MTUS2: variants seen among roughly 807,000 people sequenced by gnomAD.
MTUS2 encodes the protein microtubule-associated tumor suppressor candidate 2.
In MTUS2, 40 loss-of-function variants were observed where a neutral mutation model predicts 114.1. The observed-to-expected ratio is 0.35, with a 90% CI of 0.27 to 0.46. The LOEUF is 0.46. Among genes scored for constraint, MTUS2 ranks in the 20% least tolerant of loss-of-function variants. MTUS2 has a pLI of 1.00. For missense variants in MTUS2, 1,679 were observed against 1,705.4 expected, an observed-to-expected ratio of 0.98 and a Z score of 0.27; for synonymous variants, 688 against 672.0, an observed-to-expected ratio of 1.02 and a Z score of -0.37.
intron 7 of MTUS2, among the ~76,000 whole-genome samples, chr13:29,348,548 G>A (rs1430154775): frequency 1.3e-5 from 2 of 152,144 alleles, no homozygotes; most frequent in Admixed American, 6.6e-5. Context: ...TTGTTATGTG[G>A]AATGTTCTAC....
chr13:28,878,321 A>G (rs1374793589), intron 2 of MTUS2, among the ~76,000 whole-genome samples: 1 of 151,822 alleles, frequency 6.6e-6, no homozygotes, highest in African/African-American at 2.4e-5. Flanking sequence ...ACACATATAC[A>G]TTTTTTGTTT....
intron 6 of MTUS2, among the ~76,000 whole-genome samples, chr13:29,290,311 AG>A (rs1161093125): frequency 6.6e-6 from 1 of 151,668 alleles, no homozygotes; most frequent in Non-Finnish European, 1.5e-5. Context: ...TGTCTCTGCT[AG>A]GAACATCTGT....
rs541989513 is a variant in MTUS2 at position 29,166,446 on chromosome 13, T to G, written c.2644+65476T>G. On this transcript the variant is annotated intron_variant, in intron 5 of 15. Coordinates refer to ENST00000612955, the MANE Select transcript of MTUS2 (RefSeq NM_001033602.4). ...CTTGTTCCAGCAGCTCTAGACAGAA[T>G]GAGCCATGAGGCTTCTTGCTTCTGT... 3.9e-5 allele frequency among the ~76,000 whole-genome samples: 6 copies of G among 152,338 alleles called. No homozygotes were observed. In the South Asian group the frequency reaches 1.2e-3, roughly 32 times the overall value.
At chr13:29,221,251 GA>G (rs1895896613) in intron 5 of MTUS2, among the ~76,000 whole-genome samples, 1 of 152,226 alleles carries the variant, frequency 6.6e-6, no homozygotes, top group African/African-American at 2.4e-5. Flanking sequence ...TCTCTGAGTA[GA>G]ATTCCTGGGT....
At chr13:29,085,893 C>T (rs1273576104) in intron 4 of MTUS2, among the ~76,000 whole-genome samples, 1 of 152,162 alleles carries the variant, frequency 6.6e-6, no homozygotes, top group Non-Finnish European at 1.5e-5. Context: ...AATTTACATT[C>T]CCACCTGCAG....
At position 29,273,128 on chromosome 13, in the gene MTUS2, TG is replaced by T. The variant is rs1192855196; in HGVS notation, c.2645-8574del. The stretch of plus-strand genomic sequence containing the variant: ...TATCACATTGGCAACATCTGAATGT[TG>T]GAGGAGACACATTCAAACCATAACA... On this transcript the variant is annotated intron_variant, in intron 5 of 15. Transcript: ENST00000612955. 2.0e-5 allele frequency among the ~76,000 whole-genome samples: 3 copies of T among 152,266 alleles called. No homozygotes were observed. In the East Asian group the frequency reaches 5.8e-4, roughly 29 times the overall value.
rs555080091 is a variant in MTUS2, at chr13:29,094,662, T to C, written c.2447-6111T>C. Among the ~76,000 whole-genome samples, 4 of 152,182 alleles carry C rather than the reference T, an allele frequency of 2.6e-5. No homozygotes were observed. The Middle Eastern group carries it at 0.01, about 388-fold the overall frequency. On this transcript the variant is annotated intron_variant, in intron 4 of 15. Transcript: ENST00000612955. ...TTTTCATTGGCTTTCTCTCCTGTTT[T>C]TCTATTCTCTGTTTTATTTATTTTC...
intron 2 of MTUS2, among the ~76,000 whole-genome samples, chr13:28,988,560 CAAAT>C (rs1300555456): frequency 4.6e-5 from 7 of 152,054 alleles, no homozygotes; most frequent in South Asian, 2.1e-4. Flanking sequence ...TGTGAGCAAA[CAAAT>C]CAGGAAAAAC....
chr13:29,009,016 GTTTC>G (rs1333282613), intron 2 of MTUS2, among the ~76,000 whole-genome samples: 2 of 150,376 alleles, frequency 1.3e-5, no homozygotes, highest in Non-Finnish European at 3.0e-5. Context: ...TTCTCTCTTA[GTTTC>G]TTTTTTTTGG....
intron 5 of MTUS2, among the ~76,000 whole-genome samples, chr13:29,219,914 T>A (rs1895837729): frequency 6.6e-6 from 1 of 152,254 alleles, no homozygotes; most frequent in African/African-American, 2.4e-5. Flanking sequence ...TGGTTTGATC[T>A]TTTATGCAGA....
At chr13:29,502,932 T>G in intron 15 of MTUS2, 61 bp from the exon 16 acceptor site, 3 of 1,550,408 alleles carry the variant, frequency 1.9e-6, no homozygotes, top group Non-Finnish European at 2.7e-6. Flanking sequence ...ACCATTGTCC[T>G]GACCTCAGGT....
intron 11 of MTUS2, among the ~76,000 whole-genome samples, chr13:29,492,328 TGTG>T (rs1366924722): frequency 1.3e-5 from 2 of 151,488 alleles, no homozygotes; most frequent in East Asian, 1.9e-4. Flanking sequence ...ATGTGTGGCA[TGTG>T]GTGTGTATGT....
At chr13:28,871,624 G>T (rs1877623182) in intron 2 of MTUS2, among the ~76,000 whole-genome samples, 1 of 152,176 alleles carries the variant, frequency 6.6e-6, no homozygotes, top group African/African-American at 2.4e-5. Context: ...CAAAACCCCT[G>T]TCCTTGTGGA....
At chr13:29,217,896 T>C (rs576332985) in intron 5 of MTUS2, among the ~76,000 whole-genome samples, 27 of 152,282 alleles carry the variant, frequency 1.8e-4, no homozygotes, top group Non-Finnish European at 2.6e-4. Flanking sequence ...GTCAGGAAGA[T>C]TGCTTGAGAT....
At position 29,503,295 on chromosome 13, in the gene MTUS2, C is replaced by G. The variant is rs1460272926; in HGVS notation, c.*89C>G. Reference sequence around the variant, plus strand: ...CCGACCCGGTGCCGCCGGAGCTGGCCCTGTGCGCATGCTCAGTAGCTGCGA... The same window carrying G: ...CCGACCCGGTGCCGCCGGAGCTGGCGCTGTGCGCATGCTCAGTAGCTGCGA... On this transcript the variant is annotated 3_prime_UTR_variant, in exon 16 of 16. Transcript: ENST00000612955. The G allele has an allele frequency of 6.9e-7, 1 of 1,451,154 alleles. No homozygotes were observed. Among genetic ancestry groups the G allele is most frequent in the Non-Finnish European group, 9.5e-7 (1 of 1,055,098 alleles). 89.9% of individuals were successfully genotyped at this position (1,451,154 alleles called of 1,614,324 possible).
intron 8 of MTUS2, among the ~76,000 whole-genome samples, chr13:29,381,292 G>A (rs970322758): frequency 1.3e-5 from 2 of 152,100 alleles, no homozygotes; most frequent in African/African-American, 4.8e-5. Context: ...AGCAAAGGAG[G>A]AAAATGCCCA....
At chr13:29,501,234 T>C (rs745654070) in intron 15 of MTUS2, 40 bp downstream of exon 15, 3 of 1,480,648 alleles carry the variant, frequency 2.0e-6, no homozygotes, top group Non-Finnish European at 1.9e-6. Flanking sequence ...GACTTTCCTC[T>C]TGAGCTTCTT....
intron 5 of MTUS2, among the ~76,000 whole-genome samples, chr13:29,110,893 G>T (rs551823063): frequency 6.6e-6 from 1 of 152,104 alleles, no homozygotes; most frequent in Admixed American, 6.5e-5. Flanking sequence ...TATGGAAATC[G>T]TATTTTAGAA....
At chr13:28,926,996 T>G (rs1178337788) in intron 2 of MTUS2, among the ~76,000 whole-genome samples, 3 of 152,214 alleles carry the variant, frequency 2.0e-5, no homozygotes, top group African/African-American at 7.2e-5. Flanking sequence ...TGTTAGTTTG[T>G]TAGATTCTTG....
Sources: gnomAD v4.1 joint callset for allele counts (sites outside exome capture counted in the v4.1 genomes callset) on GRCh38, gnomAD v4.1.1 for gene constraint, MANE v1.5 for transcripts, NCBI Gene and HGNC (gene_info 2026-07-23, HGNC 2026-07-21) for gene names.